CLOCK: variants seen among roughly 807,000 people sequenced by gnomAD.
CLOCK encodes the protein clock circadian regulator, also known as circadian locomoter output cycles protein kaput.
Under a neutral mutation model 118.4 loss-of-function variants are expected in CLOCK, and 43 were observed. The ratio of observed to expected loss-of-function variants is 0.36; its 90% CI spans 0.28 to 0.47. The LOEUF is 0.47. Among genes scored for constraint, CLOCK ranks in the 20% least tolerant of loss-of-function variants. The pLI is 1.00. For missense variants in CLOCK, 846 were observed against 999.9 expected, an observed-to-expected ratio of 0.85 and a Z score of 2.08; for synonymous variants, 326 against 339.2, an observed-to-expected ratio of 0.96 and a Z score of 0.43.
At chr4:55,534,432 A>T (rs1730750543) in intron 1 of CLOCK, among the ~76,000 whole-genome samples, 1 of 152,166 alleles carries the variant, frequency 6.6e-6, no homozygotes, top group Admixed American at 6.5e-5. Context: ...ATTCAACAGC[A>T]CACAGTCTAT....
intron 1 of CLOCK, among the ~76,000 whole-genome samples, chr4:55,543,792 T>C (rs1259003577): frequency 6.6e-6 from 1 of 150,660 alleles, no homozygotes; most frequent in South Asian, 2.1e-4. Context: ...AAAAAAAAAA[T>C]TGAAATGTAA....
At chr4:55,469,909 T>C (rs1159180503) in intron 8 of CLOCK, among the ~76,000 whole-genome samples, 1 of 152,158 alleles carries the variant, frequency 6.6e-6, no homozygotes. Flanking sequence ...GGTTTCACCA[T>C]GTTGCCCAGG....
At chr4:55,482,964 T>G (rs1013735357) in intron 3 of CLOCK, 136 bp from the exon 4 acceptor site, 19 of 459,332 alleles carry the variant, frequency 4.1e-5, no homozygotes. Context: ...AACATTATTT[T>G]CAAGCAAATA....
At chr4:55,469,500 G>A (rs1362167170) in intron 8 of CLOCK, among the ~76,000 whole-genome samples, 1 of 152,176 alleles carries the variant, frequency 6.6e-6, no homozygotes, top group Non-Finnish European at 1.5e-5. Context: ...CATGCCTATT[G>A]TTTCTCCTGA....
At chr4:55,494,096 G>T (rs1384922978) in intron 2 of CLOCK, among the ~76,000 whole-genome samples, 2 of 152,242 alleles carry the variant, frequency 1.3e-5, no homozygotes, top group African/African-American at 4.8e-5. Context: ...CCTTTTCAGA[G>T]ATAAGACTAA....
Position 55,463,566 on chromosome 4 carries a change from C to G in CLOCK, c.559+119G>C, listed in dbSNP as rs1217453780. ...ATATATTTTAATATTGAAAAAGGAC[C>G]TAATAGGGCATATGGAGTAATGCTG... is the stretch of plus-strand genomic sequence containing the variant. On this transcript the variant is annotated intron_variant, in intron 9 of 22. Coordinates refer to ENST00000513440, the MANE Select transcript of CLOCK (RefSeq NM_004898.4). 4 of 847,348 alleles carry G rather than the reference C, an allele frequency of 4.7e-6. No individual in the cohort carries two copies. The East Asian group carries it at 1.1e-4, about 23-fold the overall frequency. 52.5% of individuals were successfully genotyped at this position (847,348 alleles called of 1,614,324 possible). A position where few individuals can be genotyped will look rare whatever the true frequency, so the allele number is the denominator to read the frequency against.
intron 1 of CLOCK, among the ~76,000 whole-genome samples, chr4:55,537,848 G>A (rs1262228854): frequency 6.6e-6 from 1 of 151,826 alleles, no homozygotes; most frequent in Non-Finnish European, 1.5e-5. Flanking sequence ...GCTTACATTA[G>A]AAAAGAAAAA....
At chr4:55,519,989 GCC>G in intron 1 of CLOCK, among the ~76,000 whole-genome samples, 1 of 151,962 alleles carries the variant, frequency 6.6e-6, no homozygotes, top group Non-Finnish European at 1.5e-5. Flanking sequence ...CCCTATTAGG[GCC>G]CTGACTTAGA....
chr4:55,534,029 G>A (rs186085037), intron 1 of CLOCK, among the ~76,000 whole-genome samples: 75 of 152,282 alleles, frequency 4.9e-4, no homozygotes, highest in African/African-American at 1.7e-3. Context: ...CTTTTTGCCT[G>A]TGTCTTAAAA....
intron 7 of CLOCK, among the ~76,000 whole-genome samples, chr4:55,472,374 G>A (rs6817267): frequency 0.58 from 88,868 of 151,938 alleles, 27,587 homozygotes; most frequent in South Asian, 0.81. Flanking sequence ...TTCTAAGGGG[G>A]TGAAGTATCA....
In CLOCK at chr4:55,436,453, T is replaced by G. The variant is rs557626119; in HGVS notation, c.2362-859A>C. On this transcript the variant is annotated intron_variant, in intron 22 of 22. Transcript: ENST00000513440. The stretch of plus-strand genomic sequence containing the variant: ...GACATGCTGTTCATTAATGTAAAAC[T>G]CTCAGATACAAAAAAATGTTAACAG... Among the ~76,000 whole-genome samples, 11 of 152,274 alleles carry G rather than the reference T, an allele frequency of 7.2e-5. No homozygotes were observed. In the South Asian group the frequency reaches 2.3e-3, roughly 32 times the overall value.
intron 21 of CLOCK, among the ~76,000 whole-genome samples, chr4:55,439,016 T>C (rs1723131240): frequency 1.3e-5 from 2 of 152,206 alleles, no homozygotes; most frequent in African/African-American, 2.4e-5. Flanking sequence ...AACTGGACTG[T>C]ATCAAATTAA....
chr4:55,457,353 C>T (rs1724991573), intron 11 of CLOCK, among the ~76,000 whole-genome samples: 1 of 152,130 alleles, frequency 6.6e-6, no homozygotes, highest in African/African-American at 2.4e-5. Context: ...ATTACTAAAT[C>T]TTTTCCATTT....
intron 3 of CLOCK, among the ~76,000 whole-genome samples, chr4:55,484,293 C>T (rs1435070662): frequency 1.3e-5 from 2 of 152,024 alleles, no homozygotes; most frequent in African/African-American, 4.8e-5. Context: ...TGGCCTCAAG[C>T]AATCCTGCCA....
chr4:55,472,932 G>A (rs1003099627), intron 7 of CLOCK, among the ~76,000 whole-genome samples: 1 of 151,968 alleles, frequency 6.6e-6, no homozygotes, highest in East Asian at 1.9e-4. Context: ...TCATAATAGG[G>A]TCAAAAGTAG....
At chr4:55,448,638 G>A (rs1724146599) in intron 18 of CLOCK, 141 bp downstream of exon 18, 1 of 571,920 alleles carries the variant, frequency 1.7e-6, no homozygotes, top group South Asian at 1.8e-5. Flanking sequence ...GTGTGTGTGT[G>A]TGTGTGCTCC....
chr4:55,499,668 G>A (rs559982775), intron 2 of CLOCK, among the ~76,000 whole-genome samples: 92 of 152,292 alleles, frequency 6.0e-4, no homozygotes, highest in African/African-American at 2.1e-3. Flanking sequence ...AGTACCAATC[G>A]TTGTTTCAGT....
intron 2 of CLOCK, among the ~76,000 whole-genome samples, chr4:55,495,787 A>T (rs1454814843): frequency 6.6e-6 from 1 of 152,106 alleles, no homozygotes; most frequent in Non-Finnish European, 1.5e-5. Context: ...AATATCCAAA[A>T]GACCCTCCGT....
At chr4:55,531,929 A>T (rs896961392) in intron 1 of CLOCK, among the ~76,000 whole-genome samples, 4 of 151,844 alleles carry the variant, frequency 2.6e-5, no homozygotes, top group Non-Finnish European at 5.9e-5. Flanking sequence ...AAACAAAAAA[A>T]ACCCCAGCAA....
Sources: gnomAD v4.1 joint callset for allele counts (sites outside exome capture counted in the v4.1 genomes callset) on GRCh38, gnomAD v4.1.1 for gene constraint, MANE v1.5 for transcripts, NCBI Gene and HGNC (gene_info 2026-07-23, HGNC 2026-07-21) for gene names.